The following FAT3 variants were observed in gnomAD, a reference collection of about 807,000 sequenced individuals.
The protein encoded by FAT3 is FAT atypical cadherin 3.
A neutral mutation model predicts 310.2 loss-of-function variants in FAT3; 95 were observed. The ratio of observed to expected loss-of-function variants is 0.31; its 90% CI spans 0.26 to 0.36. FAT3 has a LOEUF of 0.36. FAT3 is among the 10% of genes least tolerant of loss of function. The pLI is 1.00. For missense variants in FAT3, 5,408 were observed against 5,715.6 expected, an observed-to-expected ratio of 0.95 and a Z score of 1.74; for synonymous variants, 2,314 against 2,192.9, an observed-to-expected ratio of 1.06 and a Z score of -1.54.
At chr11:92,751,585 A>G (rs1436967545) in intron 4 of FAT3, among the ~76,000 whole-genome samples, 1 of 152,224 alleles carries the variant, frequency 6.6e-6, no homozygotes, top group African/African-American at 2.4e-5. Context: ...AGTTGCAGCC[A>G]TACCCCACAA....
At chr11:92,849,596 T>A (rs1948768714) in intron 19 of FAT3, among the ~76,000 whole-genome samples, 1 of 152,118 alleles carries the variant, frequency 6.6e-6, no homozygotes, top group Non-Finnish European at 1.5e-5. Context: ...AACAAATATG[T>A]GCTGTAAAAA....
chr11:92,561,023 C>G (rs1009904607), intron 3 of FAT3, among the ~76,000 whole-genome samples: 1 of 152,176 alleles, frequency 6.6e-6, no homozygotes, highest in Non-Finnish European at 1.5e-5. Flanking sequence ...CTTATATTAA[C>G]AACTTTTTTG....
chr11:92,228,363 T>A (rs141803728), intron 1 of FAT3, among the ~76,000 whole-genome samples: 2 of 152,310 alleles, frequency 1.3e-5, no homozygotes, highest in East Asian at 3.9e-4. Context: ...CAATTACAGT[T>A]GTGCTGAGCT....
chr11:92,851,759 A>C (rs888707007), intron 19 of FAT3, among the ~76,000 whole-genome samples: 83 of 148,722 alleles, frequency 5.6e-4, no homozygotes, highest in African/African-American at 1.8e-3. Context: ...ACATCCCCCA[A>C]GCTGTCACCA....
At chr11:92,380,715 A>T (rs1949475351) in intron 2 of FAT3, among the ~76,000 whole-genome samples, 1 of 152,174 alleles carries the variant, frequency 6.6e-6, no homozygotes, top group Admixed American at 6.5e-5. Flanking sequence ...TTTGGGAAGG[A>T]TATGGGATCA....
intron 3 of FAT3, among the ~76,000 whole-genome samples, chr11:92,641,927 T>C (rs1411014311): frequency 6.6e-6 from 1 of 152,248 alleles, no homozygotes; most frequent in Non-Finnish European, 1.5e-5. Context: ...CAAATGCTAC[T>C]GGAATGTTGA....
At chr11:92,794,067 A>G (rs1947104809) in intron 9 of FAT3, among the ~76,000 whole-genome samples, 1 of 152,194 alleles carries the variant, frequency 6.6e-6, no homozygotes, top group South Asian at 2.1e-4. Flanking sequence ...TCATAATAGC[A>G]AAGTTTCCGG....
At chr11:92,493,576 G>A (rs1429389043) in intron 2 of FAT3, among the ~76,000 whole-genome samples, 1 of 152,032 alleles carries the variant, frequency 6.6e-6, no homozygotes, top group Non-Finnish European at 1.5e-5. Flanking sequence ...TTCCTTCTAG[G>A]CCTCAACTGG....
intron 2 of FAT3, among the ~76,000 whole-genome samples, chr11:92,479,584 CT>C (rs1952159813): frequency 6.6e-6 from 1 of 152,168 alleles, no homozygotes; most frequent in Admixed American, 6.5e-5. Flanking sequence ...CATTCTGCCT[CT>C]GTAGATAAGG....
chr11:92,361,973 T>C (rs540483616), intron 2 of FAT3, among the ~76,000 whole-genome samples: 1 of 152,380 alleles, frequency 6.6e-6, no homozygotes, highest in Admixed American at 6.5e-5. Context: ...ACCATCTGTT[T>C]GTGTGCCAAG....
intron 1 of FAT3, among the ~76,000 whole-genome samples, chr11:92,313,326 T>C (rs1418756391): frequency 2.0e-5 from 3 of 152,170 alleles, no homozygotes; most frequent in African/African-American, 4.8e-5. Flanking sequence ...AATGCCCTTC[T>C]TCCACCACTT....
At chr11:92,366,864 G>A in intron 2 of FAT3, 1 of 534,718 alleles carries the variant, frequency 1.9e-6, no homozygotes, top group Non-Finnish European at 3.7e-6. Context: ...TAGAAAGGAT[G>A]GTTGGGCTTC....
At chr11:92,727,241 G>A (rs1435241571) in intron 4 of FAT3, among the ~76,000 whole-genome samples, 2 of 152,018 alleles carry the variant, frequency 1.3e-5, no homozygotes, top group African/African-American at 2.4e-5. Context: ...GATACCTGGT[G>A]CCCTCAGAGA....
intron 1 of FAT3, among the ~76,000 whole-genome samples, chr11:92,343,436 G>A (rs753995869): frequency 7.9e-5 from 12 of 152,062 alleles, no homozygotes; most frequent in Admixed American, 2.0e-4. Flanking sequence ...GACAAGCAGA[G>A]TTTTCCACAG....
chr11:92,885,948 T>A (rs1949785464), intron 24 of FAT3, among the ~76,000 whole-genome samples: 1 of 152,196 alleles, frequency 6.6e-6, no homozygotes, highest in African/African-American at 2.4e-5. Context: ...AGAGCCACCA[T>A]GCCTGTTCCT....
At chr11:92,373,631 G>T (rs965443823) in intron 2 of FAT3, among the ~76,000 whole-genome samples, 3 of 151,952 alleles carry the variant, frequency 2.0e-5, no homozygotes, top group Non-Finnish European at 4.4e-5. Context: ...TAATGAACGC[G>T]TGATGAACTC....
intron 4 of FAT3, among the ~76,000 whole-genome samples, chr11:92,738,578 A>G (rs1453214281): frequency 6.6e-6 from 1 of 152,238 alleles, no homozygotes; most frequent in African/African-American, 2.4e-5. Context: ...TACTGAACAC[A>G]TAATACATAG....
At position 92,859,244 on chromosome 11, in the gene FAT3, A is replaced by C. The variant is rs760899730; in HGVS notation, c.11580A>C (p.Lys3860Asn). 4 of 1,613,856 alleles carry C rather than the reference A, an allele frequency of 2.5e-6. No homozygotes were observed. Among genetic ancestry groups the C allele is most frequent in the Non-Finnish European group, 3.4e-6 (4 of 1,179,858 alleles). The change falls in exon 21 of 28, where the codon AAA (lysine) becomes AAC (asparagine). Residue 3860 changes from lysine (K) to asparagine (N), a missense_variant. By Grantham distance (94) the Lys-to-Asn change is moderately conservative. This residue lies in a region of FAT3 where 4,588 missense variants were observed against 4,809.8 expected (regional missense o/e 0.95). Transcript: ENST00000525166. ...LSENSKEEDF[K>N]LALRLRTLQS... ...AAAATAGCAAAGAAGAGGATTTCAA[A>C]CTAGCTCTGCGTCTTCGAACACTGC...
intron 2 of FAT3, among the ~76,000 whole-genome samples, chr11:92,407,318 G>A (rs576496627): frequency 6.6e-6 from 1 of 152,286 alleles, no homozygotes; most frequent in East Asian, 1.9e-4. Context: ...AGCTGCAGTA[G>A]TGAGGGGGAA....
Sources: allele counts gnomAD v4.1 joint callset (sites outside exome capture counted in the v4.1 genomes callset), GRCh38; gene constraint gnomAD v4.1.1; regional missense constraint gnomAD v4.1.1; transcripts MANE v1.5; gene names NCBI Gene and HGNC (gene_info 2026-07-23, HGNC 2026-07-21).